RCL1: variants seen among roughly 807,000 people sequenced by gnomAD.
The protein encoded by RCL1 is RNA 3'-terminal phosphate cyclase-like protein.
In RCL1, 24 loss-of-function variants were observed where a neutral mutation model predicts 42.4. The observed-to-expected ratio is 0.57, with a 90% CI of 0.41 to 0.80. The LOEUF (loss-of-function observed/expected upper bound fraction) is 0.80. Ranked by LOEUF, RCL1 falls within the 30% of genes least tolerant of loss-of-function variation. The pLI, the probability that RCL1 is intolerant of heterozygous loss-of-function variation, is 0.00. For missense variants in RCL1, 578 were observed against 467.9 expected (o/e 1.24, Z -2.17); for synonymous variants, 228 against 177.3 (o/e 1.29, Z -2.27).
intron 5 of RCL1, 49 bp downstream of exon 5, chr9:4,834,314 T>C (rs1563847066): frequency 2.5e-6 from 4 of 1,570,028 alleles, no homozygotes; most frequent in Non-Finnish European, 1.7e-6. Context: ...TGTTGTTGCC[T>C]CACTAAGATA....
intron 3 of RCL1, among the ~76,000 whole-genome samples, chr9:4,830,067 G>T (rs1180651921): frequency 1.3e-5 from 2 of 152,240 alleles, no homozygotes; most frequent in Non-Finnish European, 2.9e-5. Flanking sequence ...GGAGATAGAA[G>T]TATTTGGAGA....
chr9:4,854,036 A>G (rs1364388759), intron 8 of RCL1, among the ~76,000 whole-genome samples: 1 of 152,126 alleles, frequency 6.6e-6, no homozygotes, highest in Admixed American at 6.5e-5. Flanking sequence ...CAGTACCACT[A>G]TGTCTTAGTT....
intron 3 of RCL1, among the ~76,000 whole-genome samples, chr9:4,831,881 C>T (rs1301914231): frequency 6.6e-6 from 1 of 152,132 alleles, no homozygotes; most frequent in South Asian, 2.1e-4. Flanking sequence ...GGCTTGAGCC[C>T]CTTGCCTTAG....
chr9:4,855,451 T>C (rs1298979661), intron 8 of RCL1, among the ~76,000 whole-genome samples: 1 of 151,902 alleles, frequency 6.6e-6, no homozygotes, highest in Non-Finnish European at 1.5e-5. Flanking sequence ...GGCAGGGAAA[T>C]ATGAACTCAA....
At chr9:4,831,953 A>C (rs444375) in intron 3 of RCL1, among the ~76,000 whole-genome samples, 1 of 152,088 alleles carries the variant, frequency 6.6e-6, no homozygotes, top group Non-Finnish European at 1.5e-5. Context: ...AATTAGAAGC[A>C]GAGCTGGGAC....
chr9:4,845,805 A>G (rs573154558), intron 7 of RCL1, among the ~76,000 whole-genome samples: 1 of 152,226 alleles, frequency 6.6e-6, no homozygotes, highest in Non-Finnish European at 1.5e-5. Flanking sequence ...TGTATGGTGT[A>G]TAATGTTTGT....
chr9:4,826,104 G>T (rs1374779240), intron 2 of RCL1, among the ~76,000 whole-genome samples: 1 of 148,446 alleles, frequency 6.7e-6, no homozygotes, highest in Non-Finnish European at 1.5e-5. Context: ...GAAAGAAAAA[G>T]AAAAAAAAAA....
chr9:4,803,259 G>A (rs777846296), intron 1 of RCL1, among the ~76,000 whole-genome samples: 11 of 152,050 alleles, frequency 7.2e-5, no homozygotes, highest in Non-Finnish European at 1.5e-4. Flanking sequence ...TCAGAACTTT[G>A]GCTTCCTTGT....
At chr9:4,813,702 G>T (rs563078382) in intron 1 of RCL1, among the ~76,000 whole-genome samples, 1 of 152,312 alleles carries the variant, frequency 6.6e-6, no homozygotes, top group South Asian at 2.1e-4. Context: ...ATACCCAAAG[G>T]ATTATAAATC....
At chr9:4,825,914 T>C (rs1376605677) in intron 2 of RCL1, among the ~76,000 whole-genome samples, 2 of 151,360 alleles carry the variant, frequency 1.3e-5, no homozygotes, top group Non-Finnish European at 2.9e-5. Flanking sequence ...CTGGGCAATA[T>C]AGTGAGACCC....
chr9:4,833,866 T>C (rs465032), intron 4 of RCL1, among the ~76,000 whole-genome samples: 137,463 of 152,302 alleles, frequency 0.9, 62,256 homozygotes, highest in East Asian at 1. Context: ...AGGTCAGCTC[T>C]ATATTTTAAG....
At chr9:4,814,891 T>C (rs1053984652) in intron 1 of RCL1, among the ~76,000 whole-genome samples, 1 of 152,106 alleles carries the variant, frequency 6.6e-6, no homozygotes, top group East Asian at 1.9e-4. Flanking sequence ...TATAGTGTTT[T>C]TGGTTGACGT....
intron 1 of RCL1, among the ~76,000 whole-genome samples, chr9:4,795,243 A>G (rs1441561493): frequency 1.3e-5 from 2 of 151,888 alleles, no homozygotes; most frequent in African/African-American, 2.4e-5. Context: ...ATGCCCAGCT[A>G]ATTTTTAGTA....
In RCL1 at chr9:4,793,082, G is replaced by A. The variant is rs768843264; in HGVS notation, c.-10G>A. 4 of 1,607,226 alleles carry A rather than the reference G, an allele frequency of 2.5e-6. No homozygotes were observed. The highest frequency in any genetic ancestry group is 3.4e-6 in the Non-Finnish European group (4 of 1,177,238). ...CTCGGGCTGCTCACGTCTCTTCGGA[G>A]AGCGCGCACATGGCGACTCAGGCGC... is the stretch of plus-strand genomic sequence containing the variant. On this transcript the variant is annotated 5_prime_UTR_variant, in exon 1 of 9. Transcript: ENST00000381750.
At chr9:4,854,561 A>G (rs1254147297) in intron 8 of RCL1, among the ~76,000 whole-genome samples, 1 of 152,092 alleles carries the variant, frequency 6.6e-6, no homozygotes, top group East Asian at 1.9e-4. Context: ...GCTGCCAGAG[A>G]GAGGGCTCAC....
At chr9:4,820,433 G>C (rs1292016197) in intron 1 of RCL1, among the ~76,000 whole-genome samples, 3 of 152,198 alleles carry the variant, frequency 2.0e-5, no homozygotes, top group Admixed American at 6.5e-5. Flanking sequence ...GCACCGGTTT[G>C]CCGTGATCAG....
intron 5 of RCL1, among the ~76,000 whole-genome samples, chr9:4,840,941 A>G (rs1242299014): frequency 6.6e-6 from 1 of 151,962 alleles, no homozygotes; most frequent in Non-Finnish European, 1.5e-5. Context: ...TCCAAAATTG[A>G]CTTGAACCAT....
chr9:4,859,801 T>C (rs1028415539), intron 8 of RCL1, among the ~76,000 whole-genome samples: 1 of 151,878 alleles, frequency 6.6e-6, no homozygotes, highest in African/African-American at 2.4e-5. Flanking sequence ...CCATCTCTTA[T>C]AAAAAAAAGA....
chr9:4,826,478 G>C (rs902132895), intron 2 of RCL1, among the ~76,000 whole-genome samples: 2 of 152,150 alleles, frequency 1.3e-5, no homozygotes, highest in African/African-American at 4.8e-5. Flanking sequence ...GATGCTGGTT[G>C]CTGGTGTGAT....
Sources: gnomAD v4.1 joint callset for allele counts (sites outside exome capture counted in the v4.1 genomes callset) on GRCh38, gnomAD v4.1.1 for gene constraint, MANE v1.5 for transcripts, NCBI Gene and HGNC (gene_info 2026-07-23, HGNC 2026-07-21) for gene names.